RIN3: variants seen among roughly 807,000 people sequenced by gnomAD.
RIN3 encodes Ras and Rab interactor 3.
Under a neutral mutation model 76.3 loss-of-function variants are expected in RIN3, and 54 were observed. That is an observed-to-expected ratio of 0.71 (90% confidence interval 0.57 to 0.89). RIN3 has a LOEUF of 0.89. RIN3 is among the 40% of genes least tolerant of loss of function. The pLI is 0.00. For synonymous variants in RIN3, 576 were observed against 564.0 expected, an observed-to-expected ratio of 1.02 and a Z score of -0.30; for missense variants, 1,256 against 1,322.1, an observed-to-expected ratio of 0.95 and a Z score of 0.78.
intron 2 of RIN3, among the ~76,000 whole-genome samples, chr14:92,563,530 G>A (rs892574181): frequency 6.6e-6 from 1 of 152,132 alleles, no homozygotes; most frequent in African/African-American, 2.4e-5. Context: ...CTATAAGGGA[G>A]GAAACTCAGC....
At chr14:92,638,182 A>C (rs1248985801) in intron 4 of RIN3, among the ~76,000 whole-genome samples, 1 of 152,186 alleles carries the variant, frequency 6.6e-6, no homozygotes, top group Non-Finnish European at 1.5e-5. Flanking sequence ...AGAAGAGTCC[A>C]TGGTGTGGCC....
chr14:92,682,391 C>G (rs1888699532), intron 8 of RIN3, among the ~76,000 whole-genome samples: 1 of 152,166 alleles, frequency 6.6e-6, no homozygotes, highest in Non-Finnish European at 1.5e-5. Flanking sequence ...ACAAAAGTAA[C>G]TAATAGTGGT....
intron 3 of RIN3, among the ~76,000 whole-genome samples, chr14:92,585,930 A>T (rs1286036508): frequency 6.6e-6 from 1 of 152,214 alleles, no homozygotes; most frequent in Non-Finnish European, 1.5e-5. Context: ...TACTGATGGC[A>T]TCGTGGTAAT....
intron 2 of RIN3, among the ~76,000 whole-genome samples, chr14:92,564,970 G>A (rs751398959): frequency 6.6e-6 from 1 of 152,182 alleles, no homozygotes; most frequent in Admixed American, 6.5e-5. Context: ...GGCAGATGGA[G>A]GGCCCTACCG....
At chr14:92,680,317 A>T (rs1408903401) in intron 8 of RIN3, among the ~76,000 whole-genome samples, 1 of 151,444 alleles carries the variant, frequency 6.6e-6, no homozygotes, top group Non-Finnish European at 1.5e-5. Flanking sequence ...CACCTGCCTC[A>T]GGCTCCCAAG....
chr14:92,590,044 A>G (rs987453309), intron 3 of RIN3, among the ~76,000 whole-genome samples: 29 of 152,202 alleles, frequency 1.9e-4, no homozygotes, highest in African/African-American at 6.0e-4. Context: ...AGGGAAACCC[A>G]ATGTGTAACT....
At chr14:92,644,074 A>C (rs1337445568) in intron 5 of RIN3, among the ~76,000 whole-genome samples, 1 of 152,172 alleles carries the variant, frequency 6.6e-6, no homozygotes. Context: ...CCCTGAAGAA[A>C]TCCTCAGGGC....
At chr14:92,553,180 C>A (rs146251987) in intron 1 of RIN3, among the ~76,000 whole-genome samples, 3 of 152,062 alleles carry the variant, frequency 2.0e-5, no homozygotes, top group Non-Finnish European at 4.4e-5. Flanking sequence ...AGCCATAGTT[C>A]GTGGCAAAGA....
chr14:92,567,912 T>C (rs1449769446), intron 2 of RIN3, among the ~76,000 whole-genome samples: 2 of 152,220 alleles, frequency 1.3e-5, no homozygotes, highest in African/African-American at 4.8e-5. Flanking sequence ...TCTATAATAA[T>C]AATTAATAAT....
At chr14:92,542,973 GGTTTCTTT>G (rs1441140954) in intron 1 of RIN3, among the ~76,000 whole-genome samples, 1 of 152,118 alleles carries the variant, frequency 6.6e-6, no homozygotes, top group Non-Finnish European at 1.5e-5. Flanking sequence ...ATGAGTAAGG[GGTTTCTTT>G]GTGGGGTGAT....
At chr14:92,590,006 A>G (rs1209598595) in intron 3 of RIN3, among the ~76,000 whole-genome samples, 1 of 152,212 alleles carries the variant, frequency 6.6e-6, no homozygotes, top group Non-Finnish European at 1.5e-5. Context: ...CCCACAGGCA[A>G]AACTCCCATG....
intron 2 of RIN3, among the ~76,000 whole-genome samples, chr14:92,564,004 C>T (rs892690605): frequency 2.6e-5 from 4 of 152,268 alleles, no homozygotes; most frequent in African/African-American, 7.2e-5. Context: ...GGACTGTCAA[C>T]CTCTGCAGGC....
intron 4 of RIN3, among the ~76,000 whole-genome samples, chr14:92,620,757 T>G (rs1595461380): frequency 6.6e-6 from 1 of 151,664 alleles, no homozygotes; most frequent in South Asian, 2.1e-4. Flanking sequence ...CAGTGTTACC[T>G]AGGGCCCCCA....
At chr14:92,517,424 G>A (rs991273672) in intron 1 of RIN3, among the ~76,000 whole-genome samples, 1 of 152,138 alleles carries the variant, frequency 6.6e-6, no homozygotes, top group South Asian at 2.1e-4. Context: ...TGGGGCCTGG[G>A]TCACCTAGGG....
intron 3 of RIN3, among the ~76,000 whole-genome samples, chr14:92,592,602 C>T (rs1354625851): frequency 4.0e-5 from 6 of 150,690 alleles, no homozygotes; most frequent in African/African-American, 1.5e-4. Flanking sequence ...AATGTAAGTA[C>T]TATGTAAATA....
At chr14:92,607,288 C>T (rs1885559878) in intron 3 of RIN3, among the ~76,000 whole-genome samples, 1 of 152,218 alleles carries the variant, frequency 6.6e-6, no homozygotes, top group African/African-American at 2.4e-5. Flanking sequence ...AACTGAATCA[C>T]CCCTGCATTG....
At chr14:92,597,401 T>C (rs956820105) in intron 3 of RIN3, among the ~76,000 whole-genome samples, 8 of 152,210 alleles carry the variant, frequency 5.3e-5, no homozygotes, top group Non-Finnish European at 1.2e-4. Context: ...ACCAAAACCC[T>C]GTCATTCATT....
At chr14:92,674,053 G>A (rs1213175762) in intron 7 of RIN3, among the ~76,000 whole-genome samples, 1 of 152,168 alleles carries the variant, frequency 6.6e-6, no homozygotes, top group African/African-American at 2.4e-5. Flanking sequence ...ACACATATGG[G>A]GCACGCAGTT....
intron 3 of RIN3, among the ~76,000 whole-genome samples, chr14:92,585,005 T>C (rs1407774274): frequency 6.6e-6 from 1 of 152,052 alleles, no homozygotes; most frequent in Non-Finnish European, 1.5e-5. Context: ...TGGCTTGCTT[T>C]ATTTATTTAT....
Sources: gnomAD v4.1 joint callset for allele counts (sites outside exome capture counted in the v4.1 genomes callset) on GRCh38, gnomAD v4.1.1 for gene constraint, MANE v1.5 for transcripts, NCBI Gene and HGNC (gene_info 2026-07-23, HGNC 2026-07-21) for gene names.